PRR11: variants seen among roughly 807,000 people sequenced by gnomAD.
The protein encoded by PRR11 is proline rich 11, also known as proline-rich protein 11.
A neutral mutation model predicts 45.6 loss-of-function variants in PRR11; 30 were observed. That is an observed-to-expected ratio of 0.66 (90% CI 0.49 to 0.89). The LOEUF is 0.89. Ranked by LOEUF, PRR11 falls within the 40% of genes least tolerant of loss-of-function variation. The probability of loss-of-function intolerance (pLI) is 0.00; values close to 1 mark genes in which losing one functional copy is unlikely to be tolerated. For missense variants in PRR11, 373 were observed against 424.8 expected, an observed-to-expected ratio of 0.88 and a Z score of 1.07; for synonymous variants, 128 against 153.5, an observed-to-expected ratio of 0.83 and a Z score of 1.23.
chr17:59,179,127 G>A (rs1418244738), intron 2 of PRR11, among the ~76,000 whole-genome samples: 1 of 152,130 alleles, frequency 6.6e-6, no homozygotes, highest in Non-Finnish European at 1.5e-5. Flanking sequence ...AGTCCCCTGA[G>A]TAGCTGGGAT....
chr17:59,182,409 T>TTTG (rs2046792839), intron 2 of PRR11, among the ~76,000 whole-genome samples: 1 of 148,194 alleles, frequency 6.7e-6, no homozygotes, highest in Non-Finnish European at 1.5e-5. Flanking sequence ...TTTTTTTTTT[T>TTTG]GAGACAGTGT....
intron 9 of PRR11, among the ~76,000 whole-genome samples, chr17:59,200,062 C>A (rs929647744): frequency 2.6e-5 from 4 of 152,022 alleles, no homozygotes; most frequent in African/African-American, 9.7e-5. Flanking sequence ...AATGGATAAA[C>A]GATAATAAAT....
chr17:59,189,752 C>CT (rs1286550409), intron 4 of PRR11, among the ~76,000 whole-genome samples: 7 of 152,088 alleles, frequency 4.6e-5, no homozygotes, highest in Non-Finnish European at 1.0e-4. Context: ...AAATTCATTG[C>CT]TTTTTTGAAT....
At chr17:59,174,853 C>T in intron 2 of PRR11, 1 of 1,260,644 alleles carries the variant, frequency 7.9e-7, no homozygotes, top group Non-Finnish European at 1.1e-6. Flanking sequence ...AAACAAACGC[C>T]CCTTAAGAAG....
chr17:59,183,800 TA>T (rs1419253173), intron 2 of PRR11, among the ~76,000 whole-genome samples: 1 of 152,136 alleles, frequency 6.6e-6, no homozygotes, highest in Non-Finnish European at 1.5e-5. Flanking sequence ...ACAAAAAGAC[TA>T]AGTCGAAAAA....
intron 5 of PRR11, 40 bp downstream of exon 5, chr17:59,193,774 T>A: frequency 1.3e-6 from 2 of 1,598,186 alleles, no homozygotes; most frequent in East Asian, 2.2e-5. Context: ...TGATATGTTT[T>A]GGTGAGTGTG....
chr17:59,185,290 C>A, intron 3 of PRR11, 86 bp downstream of exon 3: 2 of 1,534,394 alleles, frequency 1.3e-6, no homozygotes, highest in Non-Finnish European at 1.8e-6. Context: ...GTCAGTCCAA[C>A]CCTCAAGCTA....
At chr17:59,179,555 G>T in intron 2 of PRR11, 1 of 1,417,266 alleles carries the variant, frequency 7.1e-7, no homozygotes, top group Non-Finnish European at 9.5e-7. Context: ...ACCCACTGGG[G>T]GCATATTTTT....
chr17:59,198,440 C>T (rs1275353998), intron 9 of PRR11, among the ~76,000 whole-genome samples: 1 of 152,118 alleles, frequency 6.6e-6, no homozygotes, highest in South Asian at 2.1e-4. Flanking sequence ...CTTTGGAAGG[C>T]CGAGGCAGGT....
At chr17:59,185,402 T>A (rs2046809350) in intron 3 of PRR11, 38 bp from the exon 4 acceptor site, 2 of 1,577,486 alleles carry the variant, frequency 1.3e-6, no homozygotes, top group African/African-American at 2.8e-5. Context: ...CTTATCATAT[T>A]ACTCATAGGA....
At chr17:59,195,240 T>G (rs2046860036) in intron 6 of PRR11, 91 bp from the exon 7 acceptor site, 3 of 954,440 alleles carry the variant, frequency 3.1e-6, no homozygotes, top group Non-Finnish European at 4.9e-6. Context: ...TTACACAAAC[T>G]CAGCACTCAG....
At chr17:59,174,927 C>A in intron 2 of PRR11, 1 of 1,018,664 alleles carries the variant, frequency 9.8e-7, no homozygotes, top group African/African-American at 1.6e-5. Context: ...TGATTCCTCC[C>A]CACCTCCTCC....
At chr17:59,188,318 G>T (rs2046823836) in intron 4 of PRR11, among the ~76,000 whole-genome samples, 1 of 152,124 alleles carries the variant, frequency 6.6e-6, no homozygotes, top group Non-Finnish European at 1.5e-5. Flanking sequence ...GTGCTCTCTT[G>T]TTATTGAGAA....
At chr17:59,177,339 G>A in intron 2 of PRR11, 1 of 539,026 alleles carries the variant, frequency 1.9e-6, no homozygotes, top group Non-Finnish European at 3.8e-6. Context: ...GGGGTCTAGG[G>A]AGGGTTTGCC....
At chr17:59,185,007 T>C (rs773601947) in intron 2 of PRR11, 47 bp from the exon 3 acceptor site, 19 of 1,578,008 alleles carry the variant, frequency 1.2e-5, no homozygotes, top group Middle Eastern at 1.9e-4. Context: ...AAGGCTATTA[T>C]TCTGACTTAG....
chr17:59,183,095 C>G (rs185181647), intron 2 of PRR11, among the ~76,000 whole-genome samples: 51 of 152,254 alleles, frequency 3.3e-4, no homozygotes, highest in African/African-American at 1.2e-3. Context: ...GTCATTCCAA[C>G]CTGGCAACCA....
intron 1 of PRR11, among the ~76,000 whole-genome samples, chr17:59,159,784 G>A (rs2046642616): frequency 1.3e-5 from 2 of 151,966 alleles, no homozygotes. Flanking sequence ...TCCTCCCTAG[G>A]CCCACCTTAA....
At chr17:59,157,722 T>A (rs1842080041) in intron 1 of PRR11, among the ~76,000 whole-genome samples, 1 of 150,764 alleles carries the variant, frequency 6.6e-6, no homozygotes, top group African/African-American at 2.5e-5. Flanking sequence ...AAAAAAAAAA[T>A]TCTAGAAGGA....
intron 4 of PRR11, among the ~76,000 whole-genome samples, chr17:59,189,896 G>A (rs2046833056): frequency 6.6e-6 from 1 of 152,068 alleles, no homozygotes; most frequent in African/African-American, 2.4e-5. Context: ...AGGGGACTGA[G>A]GTGGGAAGAT....
Sources: gnomAD v4.1 joint callset for allele counts (sites outside exome capture counted in the v4.1 genomes callset) on GRCh38, gnomAD v4.1.1 for gene constraint, MANE v1.5 for transcripts, NCBI Gene and HGNC (gene_info 2026-07-23, HGNC 2026-07-21) for gene names.